Variants in CACNA2D4 observed in about 807,000 individuals in gnomAD.
CACNA2D4 encodes the protein calcium voltage-gated channel auxiliary subunit alpha2delta 4.
Under a neutral mutation model 163.8 loss-of-function variants are expected in CACNA2D4, and 157 were observed. The observed-to-expected ratio is 0.96, with a 90% confidence interval of 0.84 to 1.09. The LOEUF is 1.09. Among genes scored for constraint, CACNA2D4 ranks in the 50% least tolerant of loss-of-function variants. The pLI, the probability that CACNA2D4 is intolerant of heterozygous loss-of-function variation, is 0.00. For missense variants in CACNA2D4, 1,410 were observed against 1,479.9 expected (o/e 0.95, Z 0.78); for synonymous variants, 598 against 586.9 (o/e 1.02, Z -0.27).
Position 1,856,019 on chromosome 12 carries a change from G to A in CACNA2D4, c.2145C>T (p.Asp715=), listed in dbSNP as rs1469643372. 1 of 1,613,460 alleles carries A rather than the reference G, an allele frequency of 6.2e-7. No individual in the cohort carries two copies. Among genetic ancestry groups the A allele is most frequent in the Non-Finnish European group, 8.5e-7 (1 of 1,179,506 alleles). Residue 715 remains aspartate (D), a synonymous_variant, in exon 22 of 38, where the codon GAC becomes GAT. Transcript: ENST00000382722. ...MIRFLTRKDP[D]LECDEELVRE... is the part of the protein sequence containing the mutation. ...TGGGCGGCCAGCACTCACACTCCAG[G>A]TCTGGGTCCTTCCTGGTGAGGAAGC...
intron 27 of CACNA2D4, 74 bp downstream of exon 27, chr12:1,811,588 G>C: frequency 6.9e-7 from 1 of 1,442,324 alleles, no homozygotes; most frequent in Non-Finnish European, 9.5e-7. Flanking sequence ...CATCCAAGGG[G>C]AGGGAGAGGG....
chr12:1,884,687 C>T, intron 11 of CACNA2D4, 81 bp downstream of exon 11: 3 of 883,342 alleles, frequency 3.4e-6, no homozygotes, highest in Non-Finnish European at 5.5e-6. Flanking sequence ...TGGGGGCCAT[C>T]CTTCTAGGGT....
Position 1,844,505 on chromosome 12 carries a change from C to T in CACNA2D4, c.2367G>A (p.Glu789=). The part of the protein sequence containing the change: ...SDRKFLTPED[E]ASVFTLDRFP... ...AGCGGTCCAGGGTGAACACGCTGGCCTCGTCCTCAGGTGTCAGGAACTTCC... is the reference window on the plus strand; with the variant it reads ...AGCGGTCCAGGGTGAACACGCTGGCTTCGTCCTCAGGTGTCAGGAACTTCC... The change falls in exon 25 of 38, where the codon GAG becomes GAA. Residue 789 remains glutamate, a synonymous_variant. Transcript: ENST00000382722. This position sits in a 1 kb window ranked among gnomAD's most constrained non-coding sequence, Gnocchi z 4.2. 1 of 1,613,298 alleles carries T rather than the reference C, an allele frequency of 6.2e-7. No individual in the cohort carries two copies. The highest frequency in any genetic ancestry group is 8.5e-7 in the Non-Finnish European group (1 of 1,179,674).
chr12:1,820,423 G>A lies in CACNA2D4; in HGVS notation c.2552-8700C>T, dbSNP rs1442313473. Reference sequence around the variant, plus strand: ...GCCGGCCGTGGTGCCTCTGGTGTGCGCCTGTGTGTGCTGCTGCCGCTGTCA... The same window carrying A: ...GCCGGCCGTGGTGCCTCTGGTGTGCACCTGTGTGTGCTGCTGCCGCTGTCA... On this transcript the variant is annotated intron_variant, in intron 26 of 37. Coordinates refer to ENST00000382722, the MANE Select transcript of CACNA2D4 (RefSeq NM_172364.5). The surrounding 1 kb of genome is among the most constrained non-coding windows in gnomAD (Gnocchi z 6.0). 3 of 152,278 alleles carry A rather than the reference G, an allele frequency of 2.0e-5. No individual in the cohort carries two copies. The highest frequency in any genetic ancestry group is 4.4e-5 in the Non-Finnish European group (3 of 68,076). 9.4% of individuals were successfully genotyped at this position (152,278 alleles called of 1,614,324 possible). A position where few individuals can be genotyped will look rare whatever the true frequency, so the allele number is the denominator to read the frequency against.
Position 1,801,586 on chromosome 12 carries a change from C to T in CACNA2D4, c.2780G>A (p.Gly927Glu), listed in dbSNP as rs571129509. ...GTGCCCCACTTACTGGCTGAACACC[C>T]CCATGCTGAGCAGCTGGGTCAGGAC... ...GAVLTQLLSM[G>E]VFSQVTMYDY... The change falls in exon 30 of 38, where the codon GGG becomes GAG. Residue 927 changes from glycine (G) to glutamate (E), a missense_variant. Physicochemically the swap from Gly to Glu is moderately conservative, Grantham distance 98. Transcript: ENST00000382722. 1.9e-6 allele frequency: 3 copies of T among 1,589,400 alleles called. No homozygotes were observed. The African/African-American group carries it at 4.0e-5, about 21-fold the overall frequency.
chr12:1,851,523 T>C (rs969737285), intron 23 of CACNA2D4, among the ~76,000 whole-genome samples: 1 of 152,222 alleles, frequency 6.6e-6, no homozygotes, highest in East Asian at 1.9e-4. Flanking sequence ...GGATTTCCTT[T>C]TGGGTTCCTG....
chr12:1,833,586 T>C lies in CACNA2D4; in HGVS notation c.2551+7153A>G, dbSNP rs7303599. ...TTCCCCCTCCAGATGCCTTTGTACT[T>C]ACAGGGCTGTGGTTGGGGCACCGAT... is the stretch of plus-strand genomic sequence containing the variant. On this transcript the variant is annotated intron_variant, in intron 26 of 37. Transcript: ENST00000382722. This position sits in a 1 kb window ranked among gnomAD's most constrained non-coding sequence, Gnocchi z 4.2. Among the ~76,000 whole-genome samples, 135,195 of 152,224 alleles carry C rather than the reference T, an allele frequency of 0.89. 60,179 individuals carry two copies. Among genetic ancestry groups the C allele is most frequent in the East Asian group, 0.99 (5,133 of 5,182 alleles).
intron 23 of CACNA2D4, among the ~76,000 whole-genome samples, chr12:1,847,591 G>A (rs1865177369): frequency 6.6e-6 from 1 of 152,206 alleles, no homozygotes; most frequent in South Asian, 2.1e-4. Context: ...TAGGACTCGA[G>A]CTGCACAGAG....
intron 13 of CACNA2D4, among the ~76,000 whole-genome samples, chr12:1,880,350 A>G (rs1865968054): frequency 6.6e-6 from 1 of 152,164 alleles, no homozygotes; most frequent in East Asian, 1.9e-4. Flanking sequence ...ACACAAGCAC[A>G]CCCCGAGGCA....
chr12:1,876,841 C>T (rs993407891), intron 16 of CACNA2D4, among the ~76,000 whole-genome samples: 5 of 152,176 alleles, frequency 3.3e-5, no homozygotes, highest in African/African-American at 1.2e-4. Context: ...CCTGACAAAG[C>T]CTGAAGATCA....
chr12:1,903,983 C>G (rs1044132195), intron 6 of CACNA2D4, among the ~76,000 whole-genome samples: 1 of 151,966 alleles, frequency 6.6e-6, no homozygotes. Flanking sequence ...TGTCCATCAA[C>G]ATTAGAAGAA....
At chr12:1,842,490 G>A (rs796874475) in intron 25 of CACNA2D4, among the ~76,000 whole-genome samples, 6 of 152,286 alleles carry the variant, frequency 3.9e-5, no homozygotes, top group African/African-American at 7.2e-5. Context: ...GTGTCTAAGC[G>A]TGTGTGTGCG....
intron 26 of CACNA2D4, among the ~76,000 whole-genome samples, chr12:1,825,865 ACAAGTGAT>A (rs1864295247): frequency 6.6e-6 from 1 of 152,180 alleles, no homozygotes; most frequent in Non-Finnish European, 1.5e-5. Flanking sequence ...GTGACCTTGG[ACAAGTGAT>A]CAACATCTCT....
Position 1,834,518 on chromosome 12 carries a change from G to A in CACNA2D4, c.2551+6221C>T, listed in dbSNP as rs774813692. On this transcript the variant is annotated intron_variant, in intron 26 of 37. Transcript: ENST00000382722. The surrounding 1 kb of genome is among the most constrained non-coding windows in gnomAD (Gnocchi z 7.6). ...GAAGCAGAGGCACCGGCCGGCGAGC[G>A]TGAGGCGAGCCATGGGCACGGTGAT... is the stretch of plus-strand genomic sequence containing the variant. 1.1e-5 allele frequency: 18 copies of A among 1,605,974 alleles called. No individual in the cohort carries two copies. Among genetic ancestry groups the A allele is most frequent in the African/African-American group, 8.0e-5 (6 of 74,928 alleles).
chr12:1,795,590 T>C (rs900517391), intron 36 of CACNA2D4, 78 bp downstream of exon 36: 15 of 1,084,480 alleles, frequency 1.4e-5, no homozygotes, highest in Non-Finnish European at 1.8e-5. Flanking sequence ...CTGGCCCCGC[T>C]GCTCAAAATC....
chr12:1,916,657 C>T (rs539301987), intron 1 of CACNA2D4, among the ~76,000 whole-genome samples: 160 of 152,240 alleles, frequency 1.1e-3, no homozygotes, highest in Non-Finnish European at 2.0e-3. Flanking sequence ...AAGTCAAGGA[C>T]TGGGATAAAA....
At chr12:1,911,021 A>ATTTTTTTTTTTTTTTTTTTTTTT (rs374264665) in intron 3 of CACNA2D4, among the ~76,000 whole-genome samples, 1 of 133,482 alleles carries the variant, frequency 7.5e-6, no homozygotes. Flanking sequence ...CCGCAATACA[A>ATTTTTTTTTTTTTTTTTTTTTTT]TTTTTTTTTT....
chr12:1,870,287 G>C (rs190842138), intron 18 of CACNA2D4, among the ~76,000 whole-genome samples: 9 of 152,100 alleles, frequency 5.9e-5, no homozygotes, highest in African/African-American at 1.9e-4. Flanking sequence ...GGGGCACCTC[G>C]AGGCTTCCCT....
intron 18 of CACNA2D4, among the ~76,000 whole-genome samples, chr12:1,862,467 A>G (rs921739301): frequency 1.3e-5 from 2 of 151,916 alleles, no homozygotes; most frequent in Admixed American, 1.3e-4. Context: ...ACAGAGTCTC[A>G]CTCTGTCGCC....
Sources: gnomAD v4.1 joint callset for allele counts (sites outside exome capture counted in the v4.1 genomes callset) on GRCh38, gnomAD v4.1.1 for gene constraint, Gnocchi (gnomAD v3.1) non-coding constraint, MANE v1.5 for transcripts, NCBI Gene and HGNC (gene_info 2026-07-23, HGNC 2026-07-21) for gene names.